MAPK1IP1L: variants seen among roughly 807,000 people sequenced by gnomAD.
MAPK1IP1L encodes MAPK-interacting and spindle-stabilizing protein-like.
In MAPK1IP1L, 10 loss-of-function variants were observed where a neutral mutation model predicts 18.1. The observed-to-expected ratio is 0.55, with a 90% CI of 0.34 to 0.94. The LOEUF is 0.94. Ranked by LOEUF, MAPK1IP1L falls within the 40% of genes least tolerant of loss-of-function variation. The pLI, the probability that MAPK1IP1L is intolerant of heterozygous loss-of-function variation, is 0.02. For synonymous variants in MAPK1IP1L, 115 were observed against 117.3 expected (o/e 0.98, Z 0.13); for missense variants, 260 against 318.2 (o/e 0.82, Z 1.39).
In MAPK1IP1L at chr14:55,062,972, G is replaced by A; in HGVS notation, c.373G>A (p.Glu125Lys). 6.2e-7 allele frequency: 1 copy of A among 1,613,294 alleles called. No homozygotes were observed. The highest frequency in any genetic ancestry group is 1.3e-5 in the African/African-American group (1 of 75,010). The change falls in exon 3 of 4, where the codon GAG becomes AAG. Residue 125 changes from glutamate to lysine, a missense_variant. Coordinates refer to ENST00000395468, the MANE Select transcript of MAPK1IP1L (RefSeq NM_144578.4). ...TCCTACACCAAATATGCCCTTTCCAGAGCTACCCAGACCATATGGTGCACC... is the reference window on the plus strand; with the variant it reads ...TCCTACACCAAATATGCCCTTTCCAAAGCTACCCAGACCATATGGTGCACC... ...PYPTPNMPFPELPRPYGAPTD... is the reference protein window; with the variant it reads ...PYPTPNMPFPKLPRPYGAPTD...
chr14:55,063,117 C>T lies in MAPK1IP1L; in HGVS notation c.518C>T (p.Pro173Leu), dbSNP rs1304490598. The change falls in exon 3 of 4, where the codon CCA (proline) becomes CTA (leucine). Residue 173 changes from proline to leucine, a missense_variant. Physicochemically the swap from Pro to Leu is moderately conservative, Grantham distance 98. Transcript: ENST00000395468. Reference protein sequence around the residue: ...TPNMPYPSPGPYPAPPPPQAP... With the variant: ...TPNMPYPSPGLYPAPPPPQAP... Reference sequence around the variant, plus strand: ...AATATGCCATATCCATCTCCAGGCCCATATCCCGCTCCTCCTCCTCCCCAA... The same window carrying T: ...AATATGCCATATCCATCTCCAGGCCTATATCCCGCTCCTCCTCCTCCCCAA... 1 of 1,613,600 alleles carries T rather than the reference C, an allele frequency of 6.2e-7. No homozygotes were observed. Among genetic ancestry groups the T allele is most frequent in the Admixed American group, 1.7e-5 (1 of 60,030 alleles).
At position 55,068,542 on chromosome 14, in the gene MAPK1IP1L, A is replaced by ACTTTCT. The variant is rs2042883166; in HGVS notation, c.*3915_*3916insCTTTCT. 4 of 152,610 alleles carry ACTTTCT rather than the reference A, an allele frequency of 2.6e-5. 1 individual carries two copies. The highest frequency in any genetic ancestry group is 9.6e-5 in the African/African-American group (4 of 41,588). 9.5% of individuals were successfully genotyped at this position (152,610 alleles called of 1,614,324 possible). ...GCCAAGGTTAGAAAGCCTGGAAATA[A>ACTTTCT]AACTTAAGCACAGACATTCAAGTTT... On this transcript the variant is annotated 3_prime_UTR_variant, in exon 4 of 4. Coordinates refer to ENST00000395468, the MANE Select transcript of MAPK1IP1L (RefSeq NM_144578.4).
intron 1 of MAPK1IP1L, among the ~76,000 whole-genome samples, chr14:55,058,717 A>G (rs1439281630): frequency 6.6e-6 from 1 of 151,996 alleles, no homozygotes; most frequent in Non-Finnish European, 1.5e-5. Context: ...CTATAATCCC[A>G]GTTACTCAGG....
At chr14:55,059,225 G>GAAAAAAAAAAAAAAAAAAAAAAAAATTA (rs3078612) in intron 1 of MAPK1IP1L, among the ~76,000 whole-genome samples, 2 of 63,272 alleles carry the variant, frequency 3.2e-5, no homozygotes, top group African/African-American at 5.8e-5. Flanking sequence ...AGGAAAATCT[G>GAAAAAAAAAAAAAAAAAAAAAAAAATTA]AAAAAAAAAA....
intron 1 of MAPK1IP1L, among the ~76,000 whole-genome samples, chr14:55,060,944 T>C (rs2042812997): frequency 6.6e-6 from 1 of 152,082 alleles, no homozygotes; most frequent in South Asian, 2.1e-4. Flanking sequence ...TGAGACCGGG[T>C]CTGGGCAACA....
chr14:55,068,964 A>G lies in MAPK1IP1L; in HGVS notation c.*4337A>G, dbSNP rs775602784. The G allele has an allele frequency of 6.6e-6, 1 of 151,592 alleles. No homozygotes were observed. The highest frequency in any genetic ancestry group is 2.1e-4 in the South Asian group (1 of 4,792). The allele number at this position is 151,592 out of a possible 1,614,324, so 9.4% of individuals were successfully genotyped here. ...CGTGTTAGGATCACTACTGGTGGAA[A>G]TTGTAACCAGCCTTTGGGCATCTTA... On this transcript the variant is annotated 3_prime_UTR_variant, in exon 4 of 4. Coordinates refer to ENST00000395468, the MANE Select transcript of MAPK1IP1L (RefSeq NM_144578.4).
At chr14:55,056,700 G>T (rs1005642491) in intron 1 of MAPK1IP1L, among the ~76,000 whole-genome samples, 5 of 152,056 alleles carry the variant, frequency 3.3e-5, no homozygotes, top group Non-Finnish European at 5.9e-5. Flanking sequence ...TAGTAGAGAC[G>T]GGGTTTCACC....
rs1407875162 is a variant in MAPK1IP1L at position 55,066,013 on chromosome 14, C to T, written c.*1386C>T. 2.0e-5 allele frequency: 3 copies of T among 149,188 alleles called. No individual in the cohort carries two copies. The highest frequency in any genetic ancestry group is 4.2e-4 in the South Asian group (2 of 4,774). The allele number at this position is 149,188 out of a possible 1,614,324, so 9.2% of individuals were successfully genotyped here. A position where few individuals can be genotyped will look rare whatever the true frequency, so the allele number is the denominator to read the frequency against. On this transcript the variant is annotated 3_prime_UTR_variant, in exon 4 of 4. Coordinates refer to ENST00000395468, the MANE Select transcript of MAPK1IP1L (RefSeq NM_144578.4). Reference sequence around the variant, plus strand: ...AAAAGCCCTGGTAGTTTTTTGGCACCTTATGTTTAAATCAGATTCTTAGAT... The same window carrying T: ...AAAAGCCCTGGTAGTTTTTTGGCACTTTATGTTTAAATCAGATTCTTAGAT...
At chr14:55,060,357 A>C (rs1264672920) in intron 1 of MAPK1IP1L, 1 of 151,808 alleles carries the variant, frequency 6.6e-6, no homozygotes, top group African/African-American at 2.4e-5. Context: ...TTGTATTTTT[A>C]GTAGAGACGG....
rs1235398337 is a variant in MAPK1IP1L at position 55,065,974 on chromosome 14, A to C, written c.*1347A>C. 6.9e-6 allele frequency: 1 copy of C among 144,850 alleles called. No individual in the cohort carries two copies. Among genetic ancestry groups the C allele is most frequent in the African/African-American group, 2.6e-5 (1 of 39,192 alleles). The allele number at this position is 144,850 out of a possible 1,614,324, so 9.0% of individuals were successfully genotyped here. On this transcript the variant is annotated 3_prime_UTR_variant, in exon 4 of 4. Transcript: ENST00000395468. ...TGCTTAAATATCAAGTATTGTTTAT[A>C]ACCACCAAAAAAAAAAAGCCCTGGT...
At chr14:55,055,272 T>C (rs898313707) in intron 1 of MAPK1IP1L, among the ~76,000 whole-genome samples, 3 of 152,216 alleles carry the variant, frequency 2.0e-5, no homozygotes, top group Admixed American at 2.0e-4. Context: ...CGGCTTAGAA[T>C]AGCTTTTTAG....
chr14:55,052,149 C>G lies in MAPK1IP1L; in HGVS notation c.-5+346C>G, dbSNP rs559879683. Among the ~76,000 whole-genome samples the G allele has an allele frequency of 2.9e-4, 44 of 150,754 alleles. No homozygotes were observed. The South Asian group carries it at 3.2e-3, about 11-fold the overall frequency. On this transcript the variant is annotated intron_variant, in intron 1 of 3. Coordinates refer to ENST00000395468, the MANE Select transcript of MAPK1IP1L (RefSeq NM_144578.4). ...CCCACCCCTTCCCGGCGGGCGCGAC[C>G]CGCTAGGAGGCCGGTTCGCTCCGGT... is the stretch of plus-strand genomic sequence containing the variant.
chr14:55,052,231 T>C (rs1055304727), intron 1 of MAPK1IP1L, among the ~76,000 whole-genome samples: 1 of 146,660 alleles, frequency 6.8e-6, no homozygotes, highest in Non-Finnish European at 1.5e-5. Context: ...CTCGCGCCCC[T>C]TGGCCCCGAT....
chr14:55,064,319 C>G (rs1373896991), intron 3 of MAPK1IP1L, among the ~76,000 whole-genome samples: 1 of 151,872 alleles, frequency 6.6e-6, no homozygotes, highest in Non-Finnish European at 1.5e-5. Context: ...TCTGTTAACT[C>G]TTAGTACGAA....
intron 1 of MAPK1IP1L, among the ~76,000 whole-genome samples, chr14:55,059,244 AAGAC>A (rs956607052): frequency 2.7e-5 from 4 of 150,492 alleles, no homozygotes; most frequent in Non-Finnish European, 5.9e-5. Context: ...AAAAAAAAAA[AAGAC>A]AGTAGGGTGA....
intron 1 of MAPK1IP1L, among the ~76,000 whole-genome samples, chr14:55,056,720 A>G (rs1035266186): frequency 1.3e-4 from 20 of 152,156 alleles, no homozygotes; most frequent in Non-Finnish European, 2.2e-4. Context: ...CTTGTTAGCC[A>G]GGATGGTCTC....
rs150905416 is a variant in MAPK1IP1L, at chr14:55,059,370, G to A, written c.-4-2310G>A. Among the ~76,000 whole-genome samples the A allele has an allele frequency of 2.7e-3, 408 of 152,080 alleles. 2 individuals are homozygous for A. The highest frequency in any genetic ancestry group is 9.4e-3 in the African/African-American group (389 of 41,476). ...AAGTCAGCTGGGCACAGTATCTCACGCCTGTAATCCCAAGACTTTGGGAGG... is the reference window on the plus strand; with the variant it reads ...AAGTCAGCTGGGCACAGTATCTCACACCTGTAATCCCAAGACTTTGGGAGG... On this transcript the variant is annotated intron_variant, in intron 1 of 3. Coordinates refer to ENST00000395468, the MANE Select transcript of MAPK1IP1L (RefSeq NM_144578.4).
At chr14:55,051,962 C>T (rs1468652978) in intron 1 of MAPK1IP1L, among the ~76,000 whole-genome samples, 159 bp downstream of exon 1, 1 of 152,152 alleles carries the variant, frequency 6.6e-6, no homozygotes, top group Non-Finnish European at 1.5e-5. Context: ...GGCACCAGGA[C>T]TAAGCGTTTC....
rs1433785786 is a variant in MAPK1IP1L, at chr14:55,068,680, T to A, written c.*4053T>A. On this transcript the variant is annotated 3_prime_UTR_variant, in exon 4 of 4. Coordinates refer to ENST00000395468, the MANE Select transcript of MAPK1IP1L (RefSeq NM_144578.4). ...TTGATTTTAATAAAGCAATATTTAG[T>A]ATTGAAGACAAACACTTTTTATTTT... The A allele has an allele frequency of 6.6e-6, 1 of 152,244 alleles. No homozygotes were observed. The highest frequency in any genetic ancestry group is 2.4e-5 in the African/African-American group (1 of 41,474). The allele number at this position is 152,244 out of a possible 1,614,324, so 9.4% of individuals were successfully genotyped here. A position where few individuals can be genotyped will look rare whatever the true frequency, so the allele number is the denominator to read the frequency against.
Sources: allele counts gnomAD v4.1 joint callset (sites outside exome capture counted in the v4.1 genomes callset), GRCh38; gene constraint gnomAD v4.1.1; transcripts MANE v1.5; gene names NCBI Gene and HGNC (gene_info 2026-07-23, HGNC 2026-07-21).